FHIT: variants seen among roughly 807,000 people sequenced by gnomAD.
The protein encoded by FHIT is fragile histidine triad diadenosine triphosphatase.
A neutral mutation model predicts 17.9 loss-of-function variants in FHIT; 19 were observed. The ratio of observed to expected loss-of-function variants is 1.06; its 90% CI spans 0.74 to 1.56. The LOEUF is 1.56. FHIT is among the 40% of genes most tolerant of loss of function. FHIT has a pLI of 0.00. For synonymous variants in FHIT, 81 were observed against 69.7 expected (o/e 1.16, Z -0.81); for missense variants, 248 against 189.2 (o/e 1.31, Z -1.82).
chr3:61,098,801 G>C (rs1255656620), intron 2 of FHIT, among the ~76,000 whole-genome samples: 1 of 152,196 alleles, frequency 6.6e-6, no homozygotes, highest in Admixed American at 6.5e-5. Flanking sequence ...CATGGATTTT[G>C]CATCCTGAGA....
chr3:60,152,759 G>C (rs1559680390), intron 5 of FHIT, among the ~76,000 whole-genome samples: 1 of 152,178 alleles, frequency 6.6e-6, no homozygotes, highest in East Asian at 1.9e-4. Flanking sequence ...CACCAGCAGG[G>C]TGTAAGAATG....
chr3:60,035,410 G>C (rs954764207), intron 5 of FHIT, among the ~76,000 whole-genome samples: 1 of 152,122 alleles, frequency 6.6e-6, no homozygotes, highest in African/African-American at 2.4e-5. Flanking sequence ...CTAATTTTTT[G>C]TATTTTTAGT....
At chr3:60,672,214 C>T (rs1333431728) in intron 4 of FHIT, among the ~76,000 whole-genome samples, 1 of 152,070 alleles carries the variant, frequency 6.6e-6, no homozygotes, top group Non-Finnish European at 1.5e-5. Flanking sequence ...CATGCACGTC[C>T]GTGTGAAGAG....
In FHIT at chr3:59,948,826, T is replaced by C. The variant is rs139125607; in HGVS notation, c.280-26412A>G. ...CTCTACTTGTATTGTTCATTTTTTC[T>C]ATCATAAAGTTTTTTTTTTCCCCAC... On this transcript the variant is annotated intron_variant, in intron 7 of 9. Coordinates refer to ENST00000492590, the MANE Select transcript of FHIT (RefSeq NM_002012.4). Among the ~76,000 whole-genome samples the C allele has an allele frequency of 2.8e-3, 426 of 152,258 alleles. 1 individual carries two copies. The highest frequency in any genetic ancestry group is 0.01 in the Middle Eastern group (3 of 294).
intron 3 of FHIT, among the ~76,000 whole-genome samples, chr3:60,857,465 C>G (rs1368735269): frequency 2.0e-5 from 3 of 152,076 alleles, no homozygotes; most frequent in African/African-American, 7.2e-5. Flanking sequence ...CCTTAGTTTC[C>G]TCATCTTTAA....
intron 5 of FHIT, among the ~76,000 whole-genome samples, chr3:60,452,844 T>C (rs368926): frequency 0.51 from 77,452 of 151,940 alleles, 22,294 homozygotes; most frequent in African/African-American, 0.78. Context: ...ATAAGATAGA[T>C]TAAAAAACAA....
At chr3:61,033,848 T>C (rs1056947940) in intron 3 of FHIT, among the ~76,000 whole-genome samples, 1 of 152,198 alleles carries the variant, frequency 6.6e-6, no homozygotes, top group African/African-American at 2.4e-5. Flanking sequence ...TATATCAGAA[T>C]TTCACACAAA....
chr3:60,725,489 T>G (rs1553709217), intron 4 of FHIT, among the ~76,000 whole-genome samples: 1 of 152,144 alleles, frequency 6.6e-6, no homozygotes, highest in Non-Finnish European at 1.5e-5. Context: ...GGGTCCAACT[T>G]TATTCTTTTG....
chr3:60,990,335 T>C (rs1447776108), intron 3 of FHIT, among the ~76,000 whole-genome samples: 1 of 152,184 alleles, frequency 6.6e-6, no homozygotes, highest in East Asian at 1.9e-4. Flanking sequence ...TATGATAAGA[T>C]AAGGAGCAGC....
chr3:60,815,738 T>C (rs1301326295), intron 4 of FHIT, among the ~76,000 whole-genome samples: 1 of 152,140 alleles, frequency 6.6e-6, no homozygotes, highest in Non-Finnish European at 1.5e-5. Flanking sequence ...CCACATGTAC[T>C]TTATAATAGT....
chr3:59,955,821 C>G (rs909894063), intron 7 of FHIT, among the ~76,000 whole-genome samples: 1 of 152,106 alleles, frequency 6.6e-6, no homozygotes, highest in Non-Finnish European at 1.5e-5. Flanking sequence ...TTCTTTATTT[C>G]TACCACCAGC....
chr3:60,571,565 A>G (rs2107663808), intron 4 of FHIT, among the ~76,000 whole-genome samples: 1 of 152,166 alleles, frequency 6.6e-6, no homozygotes, highest in South Asian at 2.1e-4. Context: ...GTGTCCCCAG[A>G]CAGGTCACCT....
At chr3:61,234,386 A>T (rs544010801) in intron 1 of FHIT, among the ~76,000 whole-genome samples, 6 of 152,340 alleles carry the variant, frequency 3.9e-5, no homozygotes, top group Admixed American at 1.3e-4. Context: ...GGATAGATTA[A>T]AAAATAATGT....
At chr3:61,201,506 A>G (rs890390682) in intron 1 of FHIT, among the ~76,000 whole-genome samples, 2 of 152,200 alleles carry the variant, frequency 1.3e-5, no homozygotes, top group Non-Finnish European at 2.9e-5. Flanking sequence ...AGTTGGGGAT[A>G]GACAGCTACA....
intron 3 of FHIT, among the ~76,000 whole-genome samples, chr3:61,039,767 G>T (rs2033420181): frequency 6.6e-6 from 1 of 152,034 alleles, no homozygotes; most frequent in South Asian, 2.1e-4. Flanking sequence ...CGGGTTGATG[G>T]GTGTAGCACC....
intron 1 of FHIT, among the ~76,000 whole-genome samples, chr3:61,212,655 C>G (rs2039522173): frequency 6.6e-6 from 1 of 152,094 alleles, no homozygotes; most frequent in South Asian, 2.1e-4. Context: ...CAGAGAACGC[C>G]ACAAAGATAC....
chr3:60,350,804 G>A (rs976301374), intron 5 of FHIT, among the ~76,000 whole-genome samples: 2 of 152,280 alleles, frequency 1.3e-5, no homozygotes, highest in Non-Finnish European at 2.9e-5. Context: ...TGTGAACAGT[G>A]TCAGTGATTT....
At chr3:60,944,821 G>C (rs1553775360) in intron 3 of FHIT, among the ~76,000 whole-genome samples, 1 of 152,140 alleles carries the variant, frequency 6.6e-6, no homozygotes, top group African/African-American at 2.4e-5. Context: ...CAAATTAAGA[G>C]TCTTTGCCAT....
chr3:60,896,052 C>T (rs1705805564), intron 3 of FHIT, among the ~76,000 whole-genome samples: 1 of 152,046 alleles, frequency 6.6e-6, no homozygotes, highest in Non-Finnish European at 1.5e-5. Context: ...CCTGTCAGGT[C>T]AGCTGCATTA....
Sources: allele counts gnomAD v4.1 joint callset (sites outside exome capture counted in the v4.1 genomes callset), GRCh38; gene constraint gnomAD v4.1.1; transcripts MANE v1.5; gene names NCBI Gene and HGNC (gene_info 2026-07-23, HGNC 2026-07-21).